The following SLC35F4 variants were observed in gnomAD, a reference collection of about 807,000 sequenced individuals.
SLC35F4 encodes chromosome 14 open reading frame 36.
Under a neutral mutation model 44.2 loss-of-function variants are expected in SLC35F4, and 24 were observed. That is an observed-to-expected ratio of 0.54 (90% CI 0.39 to 0.76). The LOEUF (loss-of-function observed/expected upper bound fraction) is 0.76, where lower values mean the gene tolerates loss of function less well. Ranked by LOEUF, SLC35F4 falls within the 30% of genes least tolerant of loss-of-function variation. The probability of loss-of-function intolerance (pLI) is 0.00; values close to 1 mark genes in which losing one functional copy is unlikely to be tolerated. For synonymous variants in SLC35F4, 238 were observed against 223.6 expected, an observed-to-expected ratio of 1.06 and a Z score of -0.57; for missense variants, 562 against 586.1, an observed-to-expected ratio of 0.96 and a Z score of 0.42.
At chr14:57,771,642 G>A (rs1258113473) in intron 1 of SLC35F4, among the ~76,000 whole-genome samples, 1 of 152,142 alleles carries the variant, frequency 6.6e-6, no homozygotes, top group Non-Finnish European at 1.5e-5. Context: ...TGCCCAGGCT[G>A]GAGTGCAGTG....
chr14:57,915,857 T>G (rs1889318398), intron 1 of SLC35F4, among the ~76,000 whole-genome samples: 1 of 152,200 alleles, frequency 6.6e-6, no homozygotes, highest in Non-Finnish European at 1.5e-5. Flanking sequence ...AGAATCACCC[T>G]AAATGATCTG....
chr14:57,719,382 T>C lies in SLC35F4; in HGVS notation c.104-125258A>G, dbSNP rs773731080. Among the ~76,000 whole-genome samples the C allele has an allele frequency of 2.0e-5, 3 of 152,218 alleles. No individual in the cohort carries two copies. In the East Asian group the frequency reaches 5.8e-4, roughly 29 times the overall value. ...ACTGTCCTTGGTATTTTGATAGAGA[T>C]TGCATTGAATCTGTAGATTGCTTTG... On this transcript the variant is annotated intron_variant, in intron 1 of 7. Coordinates refer to ENST00000556826, the MANE Select transcript of SLC35F4 (RefSeq NM_001306087.2).
intron 1 of SLC35F4, among the ~76,000 whole-genome samples, chr14:57,871,923 T>C: frequency 6.6e-6 from 1 of 152,240 alleles, no homozygotes; most frequent in East Asian, 1.9e-4. Context: ...AATTTTCAAG[T>C]TCTATTCTCT....
chr14:57,655,787 A>G (rs2073945809), intron 1 of SLC35F4, among the ~76,000 whole-genome samples: 1 of 152,142 alleles, frequency 6.6e-6, no homozygotes, highest in Non-Finnish European at 1.5e-5. Flanking sequence ...CTCAAGTGTC[A>G]TGACTCACAA....
intron 1 of SLC35F4, among the ~76,000 whole-genome samples, chr14:57,679,489 T>G (rs1176762041): frequency 6.6e-6 from 1 of 151,732 alleles, no homozygotes; most frequent in Non-Finnish European, 1.5e-5. Flanking sequence ...GCAAACAAAT[T>G]TAAAAGCTAG....
chr14:57,810,329 G>T (rs1020433560), intron 1 of SLC35F4, among the ~76,000 whole-genome samples: 5 of 152,200 alleles, frequency 3.3e-5, no homozygotes, highest in African/African-American at 1.2e-4. Context: ...TATTGGACAG[G>T]TACTATAATA....
At chr14:57,969,967 G>T (rs1254838316) in intron 1 of SLC35F4, among the ~76,000 whole-genome samples, 1 of 152,090 alleles carries the variant, frequency 6.6e-6, no homozygotes, top group Non-Finnish European at 1.5e-5. Flanking sequence ...AGGGGATAAA[G>T]ACAAAGTCAA....
In SLC35F4 at chr14:57,865,947, GCT is replaced by G; in HGVS notation, c.-124_-123del. ...TTGCAGCTCCTGCTCCCGCGCCCGG[GCT>G]CTGACTCCACCGCCCGGCGCAGCAC... On this transcript the variant is annotated 5_prime_UTR_variant, in exon 1 of 8. Coordinates refer to ENST00000556826, the MANE Select transcript of SLC35F4 (RefSeq NM_001306087.2). The G allele has an allele frequency of 1.8e-6, 1 of 569,656 alleles. No individual in the cohort carries two copies. Among genetic ancestry groups the G allele is most frequent in the South Asian group, 2.6e-5 (1 of 38,474 alleles). The allele number at this position is 569,656 out of a possible 1,614,324, so 35.3% of individuals were successfully genotyped here.
intron 1 of SLC35F4, among the ~76,000 whole-genome samples, chr14:57,786,661 G>C (rs895842284): frequency 6.6e-6 from 1 of 152,300 alleles, no homozygotes; most frequent in South Asian, 2.1e-4. Context: ...ACCCAGAAGA[G>C]AGACAACGAT....
chr14:57,671,387 C>T (rs550895065), intron 1 of SLC35F4, among the ~76,000 whole-genome samples: 29 of 151,994 alleles, frequency 1.9e-4, no homozygotes, highest in Admixed American at 1.1e-3. Flanking sequence ...TCTAGGATAC[C>T]GCCTCAGCTC....
intron 1 of SLC35F4, among the ~76,000 whole-genome samples, chr14:57,673,466 G>A (rs2074586275): frequency 6.6e-6 from 1 of 152,060 alleles, no homozygotes; most frequent in African/African-American, 2.4e-5. Flanking sequence ...CTTTCATAGG[G>A]TCCAGGTATG....
rs188613974 is a variant in SLC35F4 at position 57,686,983 on chromosome 14, C to A, written c.104-92859G>T. 1.5e-3 allele frequency among the ~76,000 whole-genome samples: 235 copies of A among 152,080 alleles called. 1 individual carries two copies. Among genetic ancestry groups the A allele is most frequent in the Middle Eastern group, 6.8e-3 (2 of 294 alleles). ...GGTGAAAATGAGATCATTAAGATGG[C>A]CCTTAATTCAATATAACTGGTGTCC... On this transcript the variant is annotated intron_variant, in intron 1 of 7. Coordinates refer to ENST00000556826, the MANE Select transcript of SLC35F4 (RefSeq NM_001306087.2).
intron 1 of SLC35F4, among the ~76,000 whole-genome samples, chr14:57,797,436 C>T (rs911230048): frequency 1.3e-5 from 2 of 152,214 alleles, no homozygotes; most frequent in African/African-American, 4.8e-5. Context: ...AGAATGTCCT[C>T]ATCCCCGCTT....
At chr14:57,623,698 A>G (rs188313600) in intron 1 of SLC35F4, among the ~76,000 whole-genome samples, 22 of 152,360 alleles carry the variant, frequency 1.4e-4, no homozygotes, top group Admixed American at 1.2e-3. Flanking sequence ...GCCATGAATG[A>G]CTACTGGGTA....
chr14:57,937,312 C>T (rs1001774537), intron 1 of SLC35F4, among the ~76,000 whole-genome samples: 20 of 152,060 alleles, frequency 1.3e-4, no homozygotes, highest in African/African-American at 4.3e-4. Flanking sequence ...AGGTGATCCA[C>T]CTGCCTCAGC....
chr14:57,826,957 T>C (rs1246942564), intron 1 of SLC35F4, among the ~76,000 whole-genome samples: 1 of 152,164 alleles, frequency 6.6e-6, no homozygotes, highest in East Asian at 1.9e-4. Context: ...TGGTAATTCC[T>C]CAAAGACCTA....
At chr14:57,591,366 T>C (rs2070170447) in intron 2 of SLC35F4, among the ~76,000 whole-genome samples, 1 of 152,208 alleles carries the variant, frequency 6.6e-6, no homozygotes, top group South Asian at 2.1e-4. Context: ...TGTGAGTTAC[T>C]CAGCTCCTTC....
intron 1 of SLC35F4, among the ~76,000 whole-genome samples, chr14:57,847,264 T>C (rs1023149873): frequency 3.3e-5 from 5 of 152,190 alleles, no homozygotes; most frequent in African/African-American, 1.2e-4. Flanking sequence ...TGGGTTTCAA[T>C]CCCAGTAGTC....
At chr14:57,635,334 C>T (rs974628465) in intron 1 of SLC35F4, among the ~76,000 whole-genome samples, 4 of 150,998 alleles carry the variant, frequency 2.6e-5, no homozygotes, top group South Asian at 4.2e-4. Context: ...CAAACAACTG[C>T]GAGAGAGAGG....
Sources: allele counts gnomAD v4.1 joint callset (sites outside exome capture counted in the v4.1 genomes callset), GRCh38; gene constraint gnomAD v4.1.1; transcripts MANE v1.5; gene names NCBI Gene and HGNC (gene_info 2026-07-23, HGNC 2026-07-21).